KATNB1: variants seen among roughly 807,000 people sequenced by gnomAD.
The protein encoded by KATNB1 is katanin p80 WD40 repeat-containing subunit B1.
A neutral mutation model predicts 82.3 loss-of-function variants in KATNB1; 38 were observed. The ratio of observed to expected loss-of-function variants is 0.46; its 90% CI spans 0.36 to 0.61. The LOEUF (loss-of-function observed/expected upper bound fraction) is 0.61, where lower values mean the gene tolerates loss of function less well. KATNB1 is among the 20% of genes least tolerant of loss of function. The pLI is 0.00. For missense variants in KATNB1, 749 were observed against 915.7 expected (o/e 0.82, Z 2.35); for synonymous variants, 361 against 368.7 (o/e 0.98, Z 0.24).
In KATNB1 at chr16:57,752,868, T is replaced by C. The variant is rs1555583920; in HGVS notation, c.795T>C (p.Phe265=). 1.2e-6 allele frequency: 2 copies of C among 1,609,032 alleles called. No homozygotes were observed. Among genetic ancestry groups the C allele is most frequent in the Non-Finnish European group, 1.7e-6 (2 of 1,179,840 alleles). The change falls in exon 10 of 20, where the codon TTT becomes TTC. Residue 265 remains phenylalanine, a synonymous_variant. Transcript: ENST00000379661. ...ACGGCTGGGAACCTGAGCGGTGCTT[T>C]GATGTGGTCCTCGTCAACTGGGGCA... ...RVYGWEPERC[F]DVVLVNWGKV... is the part of the protein sequence containing the mutation.
chr16:57,736,828 G>A, intron 1 of KATNB1, 150 bp from the exon 2 acceptor site: 1 of 397,094 alleles, frequency 2.5e-6, no homozygotes, highest in Non-Finnish European at 5.0e-6. Flanking sequence ...TGCCCCCTCT[G>A]CAGATTCCCA....
chr16:57,755,065 G>C, intron 14 of KATNB1, 54 bp from the exon 15 acceptor site: 1 of 1,613,178 alleles, frequency 6.2e-7, no homozygotes, highest in Non-Finnish European at 8.5e-7. Context: ...GGGGTGCCTC[G>C]GGAGGCAGAG....
intron 3 of KATNB1, among the ~76,000 whole-genome samples, chr16:57,743,719 C>T (rs1001340628): frequency 6.6e-6 from 1 of 152,230 alleles, no homozygotes. Context: ...TCCAGCCTGC[C>T]GGGGTCTCTC....
chr16:57,756,504 TGCCACAACAG>T (rs782287878), intron 19 of KATNB1, 32 bp downstream of exon 19: 2 of 1,563,354 alleles, frequency 1.3e-6, no homozygotes, highest in East Asian at 2.2e-5. Flanking sequence ...GGGGCAGGGG[TGCCACAACAG>T]GTGAGGGGAC....
chr16:57,754,875 C>T (rs1489321006), intron 13 of KATNB1, 55 bp from the exon 14 acceptor site: 13 of 1,583,904 alleles, frequency 8.2e-6, no homozygotes, highest in African/African-American at 1.3e-5. Context: ...TGAGCCCTGC[C>T]CTTCTTGCCA....
chr16:57,750,956 C>T (rs1555582892), intron 5 of KATNB1, 29 bp downstream of exon 5: 1 of 1,566,312 alleles, frequency 6.4e-7, no homozygotes, highest in Non-Finnish European at 8.8e-7. Flanking sequence ...CCCCGTGTCT[C>T]CTGCTGGGCC....
chr16:57,749,547 C>G (rs1381615918), intron 4 of KATNB1, among the ~76,000 whole-genome samples: 4 of 152,154 alleles, frequency 2.6e-5, no homozygotes, highest in Admixed American at 2.6e-4. Context: ...CACAAGGTGA[C>G]CTATTGCACC....
At chr16:57,746,197 C>T (rs1187539198) in intron 4 of KATNB1, among the ~76,000 whole-genome samples, 1 of 152,178 alleles carries the variant, frequency 6.6e-6, no homozygotes, top group Non-Finnish European at 1.5e-5. Context: ...GTATAGAGTT[C>T]TATGTTGGCA....
intron 3 of KATNB1, among the ~76,000 whole-genome samples, chr16:57,742,693 G>A (rs576537685): frequency 3.5e-4 from 53 of 152,232 alleles, no homozygotes; most frequent in Non-Finnish European, 5.6e-4. Context: ...GGGATGAGCC[G>A]TAATTAGCTT....
rs188837487 is a variant in KATNB1, at chr16:57,744,405, C to T, written c.183C>T (p.Gly61=). The change falls in exon 4 of 20, where the codon GGC becomes GGT. Residue 61 remains glycine, a synonymous_variant. Transcript: ENST00000379661. ...NKPNCIMSLT[G]HTSPVESVRL... ...CTCTCTCTCCACAGAGCCTGACGGG[C>T]CACACATCCCCAGTGGAGAGCGTCC... 284 of 1,613,286 alleles carry T rather than the reference C, an allele frequency of 1.8e-4. 3 individuals carry two copies. In the Admixed American group the frequency reaches 4.7e-3, roughly 27 times the overall value.
At position 57,751,750 on chromosome 16, in the gene KATNB1, A is replaced by AGGGGCTG. The variant is rs781991973; in HGVS notation, c.516+37_516+43dup. The AGGGGCTG allele has an allele frequency of 5.1e-5, 81 of 1,603,540 alleles. No individual in the cohort carries two copies. The highest frequency in any genetic ancestry group is 1.7e-4 in the Middle Eastern group (1 of 5,856). On this transcript the variant is annotated intron_variant, in intron 7 of 19. Coordinates refer to ENST00000379661, the MANE Select transcript of KATNB1 (RefSeq NM_005886.3). The surrounding 1 kb of genome is among the most constrained non-coding windows in gnomAD (Gnocchi z 6.3). ...GTAGCTCCCGGCCTGACCTGGGCCC[A>AGGGGCTG]GGGGCTGGGGGCTGGGGTCTGCTGA...
intron 19 of KATNB1, 92 bp downstream of exon 19, chr16:57,756,564 G>A: frequency 7.8e-7 from 1 of 1,289,232 alleles, no homozygotes; most frequent in Non-Finnish European, 1.1e-6. Flanking sequence ...TGACAGTCCT[G>A]CTGGGACAGA....
chr16:57,753,787 G>T (rs1481387682), intron 12 of KATNB1, among the ~76,000 whole-genome samples, 158 bp from the exon 13 acceptor site: 4 of 152,008 alleles, frequency 2.6e-5, no homozygotes, highest in African/African-American at 9.7e-5. Flanking sequence ...TGGGCTGGGA[G>T]GGGCAGGACT....
intron 18 of KATNB1, 64 bp downstream of exon 18, chr16:57,756,130 A>G: frequency 6.5e-7 from 1 of 1,550,060 alleles, no homozygotes; most frequent in Non-Finnish European, 8.8e-7. Context: ...AGCCTCCTCC[A>G]GAACCATGGG....
intron 4 of KATNB1, among the ~76,000 whole-genome samples, chr16:57,748,849 T>C (rs771142945): frequency 4.1e-4 from 62 of 152,168 alleles, no homozygotes; most frequent in Non-Finnish European, 7.9e-4. Flanking sequence ...CTCCGCCACA[T>C]CCTCTCTGGG....
chr16:57,753,957 C>T lies in KATNB1; in HGVS notation c.1190C>T (p.Pro397Leu). 1 of 1,613,516 alleles carries T rather than the reference C, an allele frequency of 6.2e-7. No individual in the cohort carries two copies. Among genetic ancestry groups the T allele is most frequent in the Non-Finnish European group, 8.5e-7 (1 of 1,179,886 alleles). ...CTTTCCTCTGCAGGTCGGACGCCAC[C>T]CCGGAGAAGTGAGCCCTTCCCTGCA... ...QPKNSISRTP[P>L]RRSEPFPAPP... Residue 397 changes from proline to leucine, a missense_variant, in exon 13 of 20, where the codon CCC becomes CTC. Physicochemically the swap from Pro to Leu is moderately conservative, Grantham distance 98. Transcript: ENST00000379661.
intron 4 of KATNB1, 71 bp from the exon 5 acceptor site, chr16:57,750,756 C>A: frequency 8.6e-7 from 1 of 1,162,372 alleles, no homozygotes; most frequent in South Asian, 1.2e-5. Context: ...CACAAATGCC[C>A]ACAGCAGCCC....
At chr16:57,752,133 C>A in intron 8 of KATNB1, 78 bp downstream of exon 8, 1 of 907,014 alleles carries the variant, frequency 1.1e-6, no homozygotes, top group Non-Finnish European at 1.8e-6. Flanking sequence ...TCTCTACTGC[C>A]GGTCTGTCGC....
In KATNB1 at chr16:57,750,879, C is replaced by T; in HGVS notation, c.342C>T (p.His114=). 1 of 1,614,162 alleles carries T rather than the reference C, an allele frequency of 6.2e-7. No individual in the cohort carries two copies. The highest frequency in any genetic ancestry group is 2.2e-5 in the East Asian group (1 of 44,866). Residue 114 remains histidine (H), a synonymous_variant, in exon 5 of 20, where the codon CAC becomes CAT. Transcript: ENST00000379661. ...HKANICSLDF[H]PYGEFVASGS... ...CCAACATCTGCAGCCTGGATTTCCA[C>T]CCGTACGGCGAGTTTGTAGCCTCTG...
Sources: allele counts gnomAD v4.1 joint callset (sites outside exome capture counted in the v4.1 genomes callset), GRCh38; gene constraint gnomAD v4.1.1; non-coding constraint Gnocchi (gnomAD v3.1); transcripts MANE v1.5; gene names NCBI Gene and HGNC (gene_info 2026-07-23, HGNC 2026-07-21).